CSF2RA: variants seen among roughly 807,000 people sequenced by gnomAD.
CSF2RA encodes granulocyte-macrophage colony-stimulating factor receptor subunit alpha.
In CSF2RA, 42 loss-of-function variants were observed where a neutral mutation model predicts 51.6. The ratio of observed to expected loss-of-function variants is 0.81; its 90% confidence interval spans 0.64 to 1.05. The LOEUF (loss-of-function observed/expected upper bound fraction) is 1.05. CSF2RA is among the 50% of genes least tolerant of loss of function. The pLI, the probability that CSF2RA is intolerant of heterozygous loss-of-function variation, is 0.00. For synonymous variants in CSF2RA, 222 were observed against 193.0 expected, an observed-to-expected ratio of 1.15 and a Z score of -1.24; for missense variants, 530 against 501.1, an observed-to-expected ratio of 1.06 and a Z score of -0.55.
Position 1,304,036 on chromosome X carries a change from C to T in CSF2RA, c.1043+17C>T. The T allele has an allele frequency of 6.2e-7, 1 of 1,601,844 alleles. No homozygotes were observed. On this transcript the variant is annotated intron_variant, in intron 11 of 12. Transcript: ENST00000381529. Reference sequence around the variant, plus strand: ...CTTTAAAAGGTAACCTGTGAAACACCTGGGCCTCCCCAATGAAAACAGGCC... The same window carrying T: ...CTTTAAAAGGTAACCTGTGAAACACTTGGGCCTCCCCAATGAAAACAGGCC...
At chrX:1,290,720 C>T (rs1213976882) in intron 7 of CSF2RA, among the ~76,000 whole-genome samples, 1 of 151,966 alleles carries the variant, frequency 6.6e-6, no homozygotes, top group East Asian at 1.9e-4. Flanking sequence ...CAAAAATTAG[C>T]CGGGCATGGT....
At chrX:1,285,617 C>G (rs1365659435) in intron 3 of CSF2RA, 161 bp from the exon 4 acceptor site, 49 of 770,700 alleles carry the variant, frequency 6.4e-5, no homozygotes, top group Non-Finnish European at 5.9e-5. Flanking sequence ...ATCATTTGAA[C>G]CCGGGTGGTG....
At chrX:1,308,060 A>G (rs2083856914) in intron 12 of CSF2RA, among the ~76,000 whole-genome samples, 1 of 151,832 alleles carries the variant, frequency 6.6e-6, no homozygotes, top group Non-Finnish European at 1.5e-5. Flanking sequence ...TCAACTGATT[A>G]GATGAGGCCC....
At chrX:1,322,602 G>T in the CSF2RA span, among the ~76,000 whole-genome samples, 1 of 151,314 alleles carries the variant, frequency 6.6e-6, no homozygotes, top group Non-Finnish European at 1.5e-5. Context: ...AACCCTTTGT[G>T]GTCACGCGGC....
At chrX:1,292,998 A>G (rs1364351882) in intron 7 of CSF2RA, among the ~76,000 whole-genome samples, 3 of 152,114 alleles carry the variant, frequency 2.0e-5, no homozygotes, top group Non-Finnish European at 2.9e-5. Flanking sequence ...CCTGGTTAAT[A>G]GAGAATGGAG....
intron 4 of CSF2RA, 53 bp downstream of exon 4, chrX:1,285,973 G>A: frequency 1.2e-6 from 2 of 1,612,184 alleles, no homozygotes; most frequent in Admixed American, 1.7e-5. Flanking sequence ...CCCTTTCTGA[G>A]TTAAAAGCAA....
chrX:1,316,392 C>G, the CSF2RA span, among the ~76,000 whole-genome samples: 28,978 of 151,944 alleles, frequency 0.19, 3,665 homozygotes, highest in East Asian at 0.7. Flanking sequence ...TCACTTGTTC[C>G]AAGACCCTCA....
intron 2 of CSF2RA, 45 bp downstream of exon 2, chrX:1,274,863 CTTTT>C (rs1264108014): frequency 2.2e-6 from 1 of 451,456 alleles, no homozygotes; most frequent in Non-Finnish European, 4.4e-6. Flanking sequence ...TGGGGATTTT[CTTTT>C]TTTTAAGTGA....
At chrX:1,320,753 C>T in the CSF2RA span, among the ~76,000 whole-genome samples, 1 of 151,286 alleles carries the variant, frequency 6.6e-6, no homozygotes, top group Non-Finnish European at 1.5e-5. Context: ...CCTTGTGATC[C>T]GCCCGCCTCA....
chrX:1,305,279 A>T (rs1363525779), intron 11 of CSF2RA, among the ~76,000 whole-genome samples, 167 bp from the exon 12 acceptor site: 1 of 150,478 alleles, frequency 6.6e-6, no homozygotes, highest in African/African-American at 2.4e-5. Context: ...GAGCCACTGC[A>T]CCCGGCCTAG....
Position 1,280,846 on chromosome X carries a change from CTCTCCT to C in CSF2RA, c.-26-1825_-26-1820del, listed in dbSNP as rs1383000169. Among the ~76,000 whole-genome samples the C allele has an allele frequency of 3.6e-4, 27 of 75,556 alleles. 1 individual carries two copies. The East Asian group carries it at 8.4e-3, about 24-fold the overall frequency. 49.6% of individuals were successfully genotyped at this position (75,556 alleles called of 152,430 possible). A position where few individuals can be genotyped will look rare whatever the true frequency, so the allele number is the denominator to read the frequency against. Reference sequence around the variant, plus strand: ...CGAGTAGCTTCTTTTCTCCTCCTTCCTCTCCTTCTCCTCCTCCTCCTCCTCCTTCTC... The same window carrying C: ...CGAGTAGCTTCTTTTCTCCTCCTTCCTCTCCTCCTCCTCCTCCTCCTTCTC... On this transcript the variant is annotated intron_variant, in intron 2 of 12. Coordinates refer to ENST00000381529, the MANE Select transcript of CSF2RA (RefSeq NM_172245.4).
chrX:1,315,498 G>C, the CSF2RA span, among the ~76,000 whole-genome samples: 1 of 152,040 alleles, frequency 6.6e-6, no homozygotes, highest in Non-Finnish European at 1.5e-5. Context: ...CCGCCTCCCA[G>C]GTTCAAGTGA....
chrX:1,303,940 C>A lies in CSF2RA; in HGVS notation c.964C>A (p.Leu322Ile), dbSNP rs753448122. 2 of 1,613,582 alleles carry A rather than the reference C, an allele frequency of 1.2e-6. No homozygotes were observed. The highest frequency in any genetic ancestry group is 2.7e-5 in the African/African-American group (2 of 74,938). Residue 322 changes from leucine to isoleucine, a missense_variant, in exon 11 of 13, where the codon CTC becomes ATC. Leu to Ile is a conservative substitution (Grantham distance 5). Coordinates refer to ENST00000381529, the MANE Select transcript of CSF2RA (RefSeq NM_172245.4). Reference protein sequence around the residue: ...AIEFGSDDGNLGSVYIYVLLI... With the variant: ...AIEFGSDDGNIGSVYIYVLLI... The stretch of plus-strand genomic sequence containing the variant: ...CTCTCCAGGTTCTGACGACGGGAAC[C>A]TCGGCTCTGTGTACATTTATGTGCT...
chrX:1,314,609 GCACC>G (rs2084427525), downstream of CSF2RA, among the ~76,000 whole-genome samples: 3 of 17,000 alleles, frequency 1.8e-4, no homozygotes, highest in Non-Finnish European at 2.3e-4. Context: ...CAACCCCACT[GCACC>G]TGCCCAACCA....
chrX:1,318,810 G>A, the CSF2RA span, among the ~76,000 whole-genome samples: 348 of 149,740 alleles, frequency 2.3e-3, 1 homozygote, highest in African/African-American at 8.1e-3. Context: ...CCAGCTACTC[G>A]GGAGGCTGAG....
chrX:1,312,822 G>A (rs149899024), downstream of CSF2RA, among the ~76,000 whole-genome samples: 8,717 of 152,064 alleles, frequency 0.057, 439 homozygotes, highest in East Asian at 0.22. Context: ...AGAGTTTCAG[G>A]GGAGATTTGA....
intron 2 of CSF2RA, among the ~76,000 whole-genome samples, chrX:1,277,674 T>C (rs2089362443): frequency 7.2e-6 from 1 of 138,876 alleles, no homozygotes; most frequent in Non-Finnish European, 1.5e-5. Flanking sequence ...AGTAAAACAG[T>C]GAAAGAATAG....
chrX:1,297,991 A>T (rs2148551184), intron 9 of CSF2RA, among the ~76,000 whole-genome samples: 2 of 44,496 alleles, frequency 4.5e-5, no homozygotes, highest in South Asian at 1.1e-3. Context: ...CCCCTGGCAG[A>T]ACCCTACAGT....
intron 12 of CSF2RA, among the ~76,000 whole-genome samples, chrX:1,307,519 C>A (rs1603437593): frequency 6.6e-6 from 1 of 152,164 alleles, no homozygotes; most frequent in Middle Eastern, 3.4e-3. Flanking sequence ...CCCGTTTAGA[C>A]CTTTGACTGA....
Sources: allele counts gnomAD v4.1 joint callset (sites outside exome capture counted in the v4.1 genomes callset), GRCh38; gene constraint gnomAD v4.1.1; transcripts MANE v1.5; gene names NCBI Gene and HGNC (gene_info 2026-07-23, HGNC 2026-07-21).